The following PSME4 variants were observed in gnomAD, a reference collection of about 807,000 sequenced individuals.
PSME4 encodes the protein proteasome activator subunit 4, also known as proteasome activator complex subunit 4.
PSME4 carries 89 observed loss-of-function variants against 253.9 expected under a neutral mutation model. The ratio of observed to expected loss-of-function variants is 0.35; its 90% CI spans 0.30 to 0.42. PSME4 has a LOEUF of 0.42. Ranked by LOEUF, PSME4 falls within the 10% of genes least tolerant of loss-of-function variation. The pLI, the probability that PSME4 is intolerant of heterozygous loss-of-function variation, is 1.00. For missense variants in PSME4, 2,014 were observed against 2,195.2 expected (o/e 0.92, Z 1.65); for synonymous variants, 851 against 759.2 (o/e 1.12, Z -1.99).
intron 18 of PSME4, among the ~76,000 whole-genome samples, chr2:53,920,670 G>C (rs1291416395): frequency 1.3e-5 from 2 of 152,010 alleles, no homozygotes; most frequent in Non-Finnish European, 2.9e-5. Context: ...ATTAGATAAG[G>C]AATATATACG....
intron 1 of PSME4, among the ~76,000 whole-genome samples, chr2:53,969,631 A>C (rs1670936277): frequency 1.3e-5 from 2 of 152,120 alleles, no homozygotes; most frequent in South Asian, 4.1e-4. Context: ...GGACACAGTA[A>C]AGATGCCCAT....
In PSME4 at chr2:53,948,516, T is replaced by C; in HGVS notation, c.405A>G (p.Arg135=). 1 of 1,612,088 alleles carries C rather than the reference T, an allele frequency of 6.2e-7. No homozygotes were observed. The highest frequency in any genetic ancestry group is 8.5e-7 in the Non-Finnish European group (1 of 1,178,378). Residue 135 remains arginine, a synonymous_variant, in exon 3 of 47, where the codon AGA becomes AGG. Coordinates refer to ENST00000404125, the MANE Select transcript of PSME4 (RefSeq NM_014614.3). The part of the protein sequence containing the change: ...NLLKKKELLS[R]ADLELPWRPL... Reference sequence around the variant, plus strand: ...GTCTCCAGGGTAACTCCAAATCAGCTCTTGAAAGAAGTTCCTTTTTCCTAA... The same window carrying C: ...GTCTCCAGGGTAACTCCAAATCAGCCCTTGAAAGAAGTTCCTTTTTCCTAA...
intron 1 of PSME4, among the ~76,000 whole-genome samples, chr2:53,958,753 C>T (rs760065872): frequency 6.7e-6 from 1 of 149,298 alleles, no homozygotes; most frequent in African/African-American, 2.5e-5. Context: ...ATACCTAAAA[C>T]ATCTGAAACA....
At chr2:53,869,261 A>C in intron 44 of PSME4, 115 bp downstream of exon 44, 2 of 1,076,814 alleles carry the variant, frequency 1.9e-6, no homozygotes, top group Non-Finnish European at 2.6e-6. Context: ...ACTTTTCCCA[A>C]TACCTAGCAT....
chr2:53,880,772 G>A (rs1679345451), intron 41 of PSME4, among the ~76,000 whole-genome samples: 2 of 152,124 alleles, frequency 1.3e-5, no homozygotes, highest in South Asian at 4.1e-4. Context: ...CAAAGTCAGG[G>A]TACAAATGGT....
chr2:53,909,565 A>G (rs1667731224), intron 21 of PSME4, among the ~76,000 whole-genome samples: 2 of 152,224 alleles, frequency 1.3e-5, no homozygotes, highest in African/African-American at 4.8e-5. Flanking sequence ...TCTTTATACA[A>G]TAATTTTCCA....
At chr2:53,927,548 T>G in intron 11 of PSME4, 65 bp from the exon 12 acceptor site, 1 of 1,110,756 alleles carries the variant, frequency 9.0e-7, no homozygotes, top group Non-Finnish European at 1.4e-6. Flanking sequence ...AAGTATACCA[T>G]GAACTACAAT....
intron 1 of PSME4, among the ~76,000 whole-genome samples, chr2:53,950,611 G>A (rs543758184): frequency 2.4e-4 from 36 of 152,130 alleles, no homozygotes; most frequent in African/African-American, 8.4e-4. Flanking sequence ...GGAGGCCGAC[G>A]TGGGTGGATT....
intron 42 of PSME4, 46 bp from the exon 43 acceptor site, chr2:53,874,540 A>G: frequency 6.5e-7 from 1 of 1,548,598 alleles, no homozygotes; most frequent in East Asian, 2.3e-5. Flanking sequence ...TACTGACAAG[A>G]ACATGAGATG....
chr2:53,888,478 A>G (rs1679742113), intron 38 of PSME4, among the ~76,000 whole-genome samples: 1 of 152,222 alleles, frequency 6.6e-6, no homozygotes, highest in Non-Finnish European at 1.5e-5. Flanking sequence ...ATTTGACAGC[A>G]AAGAATGCTG....
At chr2:53,948,131 A>G (rs1321524846) in intron 3 of PSME4, among the ~76,000 whole-genome samples, 4 of 152,246 alleles carry the variant, frequency 2.6e-5, no homozygotes, top group African/African-American at 9.6e-5. Flanking sequence ...TAACCAAAAA[A>G]GGGCAGATGA....
intron 1 of PSME4, among the ~76,000 whole-genome samples, chr2:53,960,157 T>C (rs1021544645): frequency 7.2e-5 from 11 of 152,148 alleles, no homozygotes; most frequent in Non-Finnish European, 1.6e-4. Flanking sequence ...CTCAGCACTT[T>C]GGGAGGCTGA....
Position 53,890,171 on chromosome 2 carries a change from C to A in PSME4, c.4229G>T (p.Arg1410Ile). 1 of 1,613,958 alleles carries A rather than the reference C, an allele frequency of 6.2e-7. No homozygotes were observed. Among genetic ancestry groups the A allele is most frequent in the South Asian group, 1.1e-5 (1 of 91,066 alleles). The part of the protein sequence containing the change: ...KLWELLCPLL[R>I]TALSNITVET... ...TACGGTAATATTGGACAGTGCTGTT[C>A]TAAGCAGAGGGCACAGAAGCTCCCA... Residue 1410 changes from arginine (R) to isoleucine (I), a missense_variant, in exon 37 of 47, where the codon AGA (arginine) becomes ATA (isoleucine). By Grantham distance (97) the Arg-to-Ile change is moderately conservative. Around this residue, in one of 4 missense-constraint regions of PSME4, gnomAD observed 403 missense variants for 556.1 expected, o/e 0.72. Transcript: ENST00000404125.
At chr2:53,940,972 T>TAA (rs1223417483) in intron 3 of PSME4, among the ~76,000 whole-genome samples, 3 of 63,002 alleles carry the variant, frequency 4.8e-5, no homozygotes, top group South Asian at 7.6e-4. Flanking sequence ...TATATATATA[T>TAA]ATATATATAT....
chr2:53,880,623 G>T (rs1290126497), intron 41 of PSME4, among the ~76,000 whole-genome samples: 1 of 152,142 alleles, frequency 6.6e-6, no homozygotes, highest in African/African-American at 2.4e-5. Context: ...TGAAAAGATG[G>T]ACATGATATA....
chr2:53,968,915 G>A (rs1670878141), intron 1 of PSME4, among the ~76,000 whole-genome samples: 1 of 152,072 alleles, frequency 6.6e-6, no homozygotes, highest in Non-Finnish European at 1.5e-5. Context: ...TAGATTCTAG[G>A]TTTATAAATC....
chr2:53,890,782 C>A (rs1333078799), intron 36 of PSME4, among the ~76,000 whole-genome samples: 1 of 152,122 alleles, frequency 6.6e-6, no homozygotes, highest in Non-Finnish European at 1.5e-5. Flanking sequence ...AATCCGAGAA[C>A]TTTGGGAGGC....
chr2:53,881,950 T>A (rs1679409203), intron 41 of PSME4, among the ~76,000 whole-genome samples: 1 of 152,100 alleles, frequency 6.6e-6, no homozygotes, highest in Non-Finnish European at 1.5e-5. Flanking sequence ...CTATTCTTGG[T>A]TGGAAAACCT....
Position 53,940,994 on chromosome 2 carries a change from T to TATATATAC in PSME4, c.501-995_501-994insGTATATAT, listed in dbSNP as rs1669426963. The stretch of plus-strand genomic sequence containing the variant: ...ATATATATATATATATATATATATA[T>TATATATAC]ATATATGAAAGGAGTAAGTTTCAGG... On this transcript the variant is annotated intron_variant, in intron 3 of 46. Transcript: ENST00000404125. 4.3e-5 allele frequency among the ~76,000 whole-genome samples: 4 copies of TATATATAC among 93,542 alleles called. No individual in the cohort carries two copies. In the East Asian group the frequency reaches 1.1e-3, roughly 26 times the overall value. The allele number at this position is 93,542 out of a possible 152,430, so 61.4% of individuals were successfully genotyped here. A position where few individuals can be genotyped will look rare whatever the true frequency, so the allele number is the denominator to read the frequency against.
Sources: gnomAD v4.1 joint callset for allele counts (sites outside exome capture counted in the v4.1 genomes callset) on GRCh38, gnomAD v4.1.1 for gene constraint, gnomAD v4.1.1 regional missense constraint, MANE v1.5 for transcripts, NCBI Gene and HGNC (gene_info 2026-07-23, HGNC 2026-07-21) for gene names.